GMDS: variants seen among roughly 807,000 people sequenced by gnomAD.
GMDS encodes the protein GDP-mannose 4,6-dehydratase, also known as GDP-mannose 4,6 dehydratase.
In GMDS, 20 loss-of-function variants were observed where a neutral mutation model predicts 49.9. That is an observed-to-expected ratio of 0.40 (90% CI 0.28 to 0.58). The LOEUF (loss-of-function observed/expected upper bound fraction) is 0.58, where lower values mean the gene tolerates loss of function less well. Among genes scored for constraint, GMDS ranks in the 20% least tolerant of loss-of-function variants. GMDS has a pLI of 0.42. For synonymous variants in GMDS, 177 were observed against 178.6 expected (o/e 0.99, Z 0.07); for missense variants, 362 against 481.4 (o/e 0.75, Z 2.32).
chr6:2,232,650 TGAA>T (rs1159316071), intron 1 of GMDS, among the ~76,000 whole-genome samples: 1 of 152,198 alleles, frequency 6.6e-6, no homozygotes, highest in Non-Finnish European at 1.5e-5. Context: ...CAGTGCAGAC[TGAA>T]GAAGATGACT....
Position 1,759,893 on chromosome 6 carries a change from G to A in GMDS, c.772-17307C>T, listed in dbSNP as rs1042215042. Among the ~76,000 whole-genome samples the A allele has an allele frequency of 2.6e-5, 4 of 151,932 alleles. No individual in the cohort carries two copies. In the East Asian group the frequency reaches 7.7e-4, roughly 29 times the overall value. On this transcript the variant is annotated intron_variant, in intron 7 of 10. Transcript: ENST00000380815. ...GGTGATGTGTCCCTGTGCCTACTGC[G>A]CCCCAGCCCCCCACCCCCCAACACC...
chr6:2,223,744 AGGGAGG>A (rs1780700652), intron 1 of GMDS, among the ~76,000 whole-genome samples: 1 of 152,132 alleles, frequency 6.6e-6, no homozygotes. Flanking sequence ...AGATGATAGA[AGGGAGG>A]GACATGTGGA....
At chr6:2,227,956 G>A (rs931203291) in intron 1 of GMDS, among the ~76,000 whole-genome samples, 8 of 152,236 alleles carry the variant, frequency 5.3e-5, no homozygotes. Context: ...CTGTGGCTGT[G>A]CGGCCCTTTC....
intron 4 of GMDS, among the ~76,000 whole-genome samples, chr6:2,005,055 A>G (rs1767071916): frequency 1.3e-5 from 2 of 152,152 alleles, no homozygotes; most frequent in African/African-American, 4.8e-5. Flanking sequence ...GAAGTACTTA[A>G]GGGTGCTTAT....
chr6:1,877,670 C>T (rs1041686944), intron 7 of GMDS, among the ~76,000 whole-genome samples: 2 of 128,574 alleles, frequency 1.6e-5, no homozygotes, highest in African/African-American at 3.0e-5. Context: ...AAAAAAAAGA[C>T]AGGTCCAATA....
At chr6:1,923,822 T>C (rs927307701) in intron 7 of GMDS, among the ~76,000 whole-genome samples, 6 of 152,190 alleles carry the variant, frequency 3.9e-5, no homozygotes, top group Non-Finnish European at 7.3e-5. Flanking sequence ...TTGTGTAACA[T>C]AGGATACAAA....
intron 7 of GMDS, among the ~76,000 whole-genome samples, chr6:1,888,290 C>T (rs948675620): frequency 6.6e-6 from 1 of 152,006 alleles, no homozygotes; most frequent in African/African-American, 2.4e-5. Context: ...GTTTAATCAA[C>T]TCACAGTTCA....
At chr6:1,896,092 C>T (rs1291676787) in intron 7 of GMDS, among the ~76,000 whole-genome samples, 5 of 152,054 alleles carry the variant, frequency 3.3e-5, no homozygotes, top group African/African-American at 1.2e-4. Context: ...GAGCAGAGAG[C>T]TTGGCTTGAG....
intron 7 of GMDS, among the ~76,000 whole-genome samples, chr6:1,798,237 GCACACACACA>G (rs70992103): frequency 0.18 from 26,079 of 143,440 alleles, 2,212 homozygotes; most frequent in African/African-American, 0.2. Context: ...TAATTACAGA[GCACACACACA>G]CACACACACA....
intron 4 of GMDS, among the ~76,000 whole-genome samples, chr6:1,991,637 T>C (rs1044717457): frequency 1.3e-5 from 2 of 152,178 alleles, no homozygotes; most frequent in South Asian, 2.1e-4. Flanking sequence ...CTGATCCCTA[T>C]GGTTGTTCTT....
chr6:1,672,691 T>A (rs539366621), intron 9 of GMDS, among the ~76,000 whole-genome samples: 27 of 152,320 alleles, frequency 1.8e-4, no homozygotes, highest in African/African-American at 6.5e-4. Context: ...CTGGGTACCT[T>A]TCCAGAAAGT....
intron 1 of GMDS, among the ~76,000 whole-genome samples, chr6:2,137,420 G>T (rs1443003586): frequency 1.4e-5 from 2 of 147,326 alleles, no homozygotes; most frequent in Non-Finnish European, 3.0e-5. Flanking sequence ...TGCAACCTCT[G>T]CCTCCCCGGT....
chr6:2,089,830 C>T (rs1367285652), intron 4 of GMDS, among the ~76,000 whole-genome samples: 1 of 152,186 alleles, frequency 6.6e-6, no homozygotes, highest in Non-Finnish European at 1.5e-5. Flanking sequence ...CTTGTGGTTA[C>T]ACCTTCTTAG....
chr6:1,812,607 C>G (rs1056097795), intron 7 of GMDS, among the ~76,000 whole-genome samples: 16 of 152,068 alleles, frequency 1.1e-4, no homozygotes, highest in Non-Finnish European at 2.1e-4. Context: ...GGGAGCAGGT[C>G]AGAGACACCA....
chr6:1,699,917 A>T (rs1765481970), intron 9 of GMDS, among the ~76,000 whole-genome samples: 1 of 152,194 alleles, frequency 6.6e-6, no homozygotes, highest in Admixed American at 6.5e-5. Context: ...CAGCCTCCAT[A>T]CGCAGAGGCA....
intron 4 of GMDS, among the ~76,000 whole-genome samples, chr6:1,994,404 T>C (rs73427459): frequency 2.2e-3 from 336 of 152,266 alleles, no homozygotes; most frequent in African/African-American, 7.6e-3. Flanking sequence ...GGAAATGATA[T>C]GCTATATTCC....
At position 1,735,299 on chromosome 6, in the gene GMDS, G is replaced by A. The variant is rs1405687744; in HGVS notation, c.890+7169C>T. Among the ~76,000 whole-genome samples the A allele has an allele frequency of 3.3e-5, 5 of 152,230 alleles. No individual in the cohort carries two copies. In the East Asian group the frequency reaches 9.6e-4, roughly 29 times the overall value. ...GCACCCGCTAGGTGCCAGCCAGTAAGCTAAGCCAGTTGCTAAGGACACGGG... is the reference window on the plus strand; with the variant it reads ...GCACCCGCTAGGTGCCAGCCAGTAAACTAAGCCAGTTGCTAAGGACACGGG... On this transcript the variant is annotated intron_variant, in intron 8 of 10. Transcript: ENST00000380815.
intron 9 of GMDS, among the ~76,000 whole-genome samples, chr6:1,723,984 C>T (rs929845359): frequency 3.2e-4 from 49 of 152,176 alleles, no homozygotes; most frequent in African/African-American, 1.0e-3. Flanking sequence ...ATATTCTCAC[C>T]CCTGAGGCAA....
chr6:2,011,427 C>G (rs1767551969), intron 4 of GMDS, among the ~76,000 whole-genome samples: 1 of 152,176 alleles, frequency 6.6e-6, no homozygotes, highest in African/African-American at 2.4e-5. Flanking sequence ...ATCATTCGAT[C>G]TAGCAATCCC....
Sources: allele counts gnomAD v4.1 joint callset (sites outside exome capture counted in the v4.1 genomes callset), GRCh38; gene constraint gnomAD v4.1.1; transcripts MANE v1.5; gene names NCBI Gene and HGNC (gene_info 2026-07-23, HGNC 2026-07-21).